The following EDA variants were observed in gnomAD, a reference collection of about 807,000 sequenced individuals.
EDA encodes the protein ectodysplasin-A.
A neutral mutation model predicts 23.6 loss-of-function variants in EDA; 2 were observed. The observed-to-expected ratio is 0.08, with a 90% CI of 0.03 to 0.27. EDA has a LOEUF of 0.27. Among genes scored for constraint, EDA ranks in the 10% least tolerant of loss-of-function variants. The pLI is 1.00. For synonymous variants in EDA, 131 were observed against 132.0 expected (o/e 0.99, Z 0.05); for missense variants, 229 against 324.2 (o/e 0.71, Z 2.26).
At chrX:69,687,011 A>G (rs1416058162) in intron 1 of EDA, among the ~76,000 whole-genome samples, 1 of 112,042 alleles carries the variant, frequency 8.9e-6, no homozygotes, top group Non-Finnish European at 1.9e-5. Context: ...ACTGTTTTCC[A>G]AAGTGGCTGC....
chrX:69,649,954 A>T (rs947226552), intron 1 of EDA, among the ~76,000 whole-genome samples: 3 of 112,072 alleles, frequency 2.7e-5, no homozygotes, highest in African/African-American at 9.7e-5. Context: ...TAAACCAAAG[A>T]GTTGGAACTG....
intron 1 of EDA, among the ~76,000 whole-genome samples, chrX:69,793,598 T>C (rs1476278555): frequency 1.1e-5 from 1 of 92,491 alleles, no homozygotes; most frequent in East Asian, 3.8e-4. Context: ...TTGCTCCCGC[T>C]TTAGCTTATA....
chrX:69,999,155 A>C (rs2019703469), intron 2 of EDA, among the ~76,000 whole-genome samples: 1 of 112,090 alleles, frequency 8.9e-6, no homozygotes, highest in Non-Finnish European at 1.9e-5. Flanking sequence ...CTTTTAAAAA[A>C]TCATTGTAGC....
intron 1 of EDA, among the ~76,000 whole-genome samples, chrX:69,733,682 T>C (rs897687956): frequency 9.0e-6 from 1 of 111,455 alleles, no homozygotes; most frequent in Non-Finnish European, 1.9e-5. Context: ...AATCTTTAAA[T>C]TACCTTGGAC....
intron 2 of EDA, among the ~76,000 whole-genome samples, chrX:70,021,346 T>C (rs948744372): frequency 4.5e-5 from 5 of 111,789 alleles, no homozygotes; most frequent in Non-Finnish European, 1.9e-5. Flanking sequence ...AAAAACTTGG[T>C]CCGGGCCAGC....
intron 1 of EDA, among the ~76,000 whole-genome samples, chrX:69,739,331 A>G (rs1042076860): frequency 6.3e-5 from 7 of 111,214 alleles, no homozygotes; most frequent in African/African-American, 9.8e-5. Flanking sequence ...CTGCTTACAT[A>G]CTATATCTTT....
chrX:69,897,920 A>T (rs948083698), intron 1 of EDA, among the ~76,000 whole-genome samples: 2 of 112,244 alleles, frequency 1.8e-5, no homozygotes, highest in African/African-American at 6.5e-5. Flanking sequence ...TCTGTCAAGC[A>T]GATCTGTATT....
chrX:69,881,424 A>G (rs917618019), intron 1 of EDA, among the ~76,000 whole-genome samples: 1 of 111,220 alleles, frequency 9.0e-6, no homozygotes, highest in Admixed American at 9.5e-5. Flanking sequence ...GACTCATAGG[A>G]GATTCTGTTG....
intron 2 of EDA, among the ~76,000 whole-genome samples, chrX:69,975,707 G>T (rs759384703): frequency 2.7e-5 from 3 of 111,584 alleles, no homozygotes; most frequent in Non-Finnish European, 5.7e-5. Flanking sequence ...ATGTAAAATA[G>T]ATTTCATAAT....
Position 69,704,508 on chromosome X carries a change from A to C in EDA, c.396+87804A>C, listed in dbSNP as rs778600766. Among the ~76,000 whole-genome samples, 3 of 109,615 alleles carry C rather than the reference A, an allele frequency of 2.7e-5. No individual in the cohort carries two copies. In the South Asian group the frequency reaches 1.2e-3, roughly 45 times the overall value. ...TAGTCAGCTGTGCCTGAATTTCAAA[A>C]GGGGGGAGGGTATAATGAGAAATGT... is the stretch of plus-strand genomic sequence containing the variant. On this transcript the variant is annotated intron_variant, in intron 1 of 7. Coordinates refer to ENST00000374552, the MANE Select transcript of EDA (RefSeq NM_001399.5).
At chrX:69,675,716 G>C (rs544250134) in intron 1 of EDA, among the ~76,000 whole-genome samples, 154 of 111,332 alleles carry the variant, frequency 1.4e-3, no homozygotes, top group African/African-American at 5.0e-3. Flanking sequence ...GGCCCTCACA[G>C]AGCCAATAGT....
At chrX:69,889,508 A>G (rs1335416460) in intron 1 of EDA, among the ~76,000 whole-genome samples, 3 of 111,067 alleles carry the variant, frequency 2.7e-5, no homozygotes, top group African/African-American at 9.8e-5. Flanking sequence ...GTCTCATTGT[A>G]GATTTGATTT....
At chrX:69,917,124 C>T (rs775395121) in intron 1 of EDA, among the ~76,000 whole-genome samples, 2 of 110,507 alleles carry the variant, frequency 1.8e-5, no homozygotes, top group Non-Finnish European at 3.8e-5. Flanking sequence ...TTAGTAGAGA[C>T]GGGGTTTTGC....
chrX:69,901,575 C>G (rs1018558881), intron 1 of EDA, among the ~76,000 whole-genome samples: 2 of 111,368 alleles, frequency 1.8e-5, no homozygotes, highest in Non-Finnish European at 3.8e-5. Context: ...TCTCACAGTG[C>G]TCTTATAACT....
In EDA at chrX:69,937,736, A is replaced by G. The variant is rs879069338; in HGVS notation, c.397-19291A>G. On this transcript the variant is annotated intron_variant, in intron 1 of 7. Coordinates refer to ENST00000374552, the MANE Select transcript of EDA (RefSeq NM_001399.5). ...AATTAAATTTAAAATTAAACTGCCA[A>G]GTTGAAGTTCCTGGAGGGTATTCTC... The G allele has an allele frequency of 6.9e-5, 82 of 1,189,843 alleles. No individual in the cohort carries two copies. In the South Asian group the frequency reaches 1.4e-3, roughly 20 times the overall value.
In EDA at chrX:70,001,107, G is replaced by GA. The variant is rs757438463; in HGVS notation, c.503-22104dup. Among the ~76,000 whole-genome samples, 8 of 111,612 alleles carry GA rather than the reference G, an allele frequency of 7.2e-5. No individual in the cohort carries two copies. In the Admixed American group the frequency reaches 7.6e-4, roughly 11 times the overall value. ...ATCCAGGTAGTATACCCTTCTTGGG[G>GA]AAAAAAATTGGATTGGCTCTTTCTA... On this transcript the variant is annotated intron_variant, in intron 2 of 7. Transcript: ENST00000374552.
intron 1 of EDA, among the ~76,000 whole-genome samples, chrX:69,858,656 ATC>A (rs2017310820): frequency 2.7e-5 from 3 of 111,958 alleles, no homozygotes; most frequent in African/African-American, 9.7e-5. Context: ...GGATTTCTGC[ATC>A]AATGTTCATC....
chrX:69,900,073 T>C lies in EDA; in HGVS notation c.397-56954T>C, dbSNP rs1486359045. 4.5e-5 allele frequency among the ~76,000 whole-genome samples: 5 copies of C among 111,325 alleles called. No individual in the cohort carries two copies. The East Asian group carries it at 1.1e-3, about 25-fold the overall frequency. On this transcript the variant is annotated intron_variant, in intron 1 of 7. Coordinates refer to ENST00000374552, the MANE Select transcript of EDA (RefSeq NM_001399.5). ...GTTGTGAGGATTAAACGAGTTGATA[T>C]AGAGATGGTGTTTGGAACAGTGACT...
At chrX:69,674,276 C>T (rs981024330) in intron 1 of EDA, among the ~76,000 whole-genome samples, 4 of 111,422 alleles carry the variant, frequency 3.6e-5, no homozygotes. Flanking sequence ...ATTTTGTCTG[C>T]CACTATATAG....
Sources: gnomAD v4.1 joint callset for allele counts (sites outside exome capture counted in the v4.1 genomes callset) on GRCh38, gnomAD v4.1.1 for gene constraint, MANE v1.5 for transcripts, NCBI Gene and HGNC (gene_info 2026-07-23, HGNC 2026-07-21) for gene names.